Variants in TRPM3 observed in about 807,000 individuals in gnomAD.
TRPM3 encodes transient receptor potential cation channel subfamily M member 3.
A neutral mutation model predicts 181.2 loss-of-function variants in TRPM3; 77 were observed. The ratio of observed to expected loss-of-function variants is 0.42; its 90% CI spans 0.35 to 0.51. The LOEUF is 0.51. Among genes scored for constraint, TRPM3 ranks in the 20% least tolerant of loss-of-function variants. The pLI is 0.01. For synonymous variants in TRPM3, 745 were observed against 796.4 expected, an observed-to-expected ratio of 0.94 and a Z score of 1.09; for missense variants, 1,759 against 2,196.7, an observed-to-expected ratio of 0.80 and a Z score of 3.98.
intron 1 of TRPM3, chr9:70,917,616 G>A: frequency 4.6e-6 from 2 of 438,242 alleles, no homozygotes; most frequent in Non-Finnish European, 8.5e-6. Context: ...CAAGTCTTAT[G>A]GTAGCCTCAA....
chr9:70,867,236 A>G (rs1589393288), intron 1 of TRPM3, among the ~76,000 whole-genome samples: 1 of 152,206 alleles, frequency 6.6e-6, no homozygotes, highest in South Asian at 2.1e-4. Flanking sequence ...AGAAATGGCT[A>G]TACAGCAAAG....
At chr9:70,615,881 G>A (rs568556418) in intron 18 of TRPM3, 27 bp downstream of exon 18, 1 of 1,580,724 alleles carries the variant, frequency 6.3e-7, no homozygotes, top group South Asian at 1.2e-5. Flanking sequence ...TCTGCCCATA[G>A]AGAATAACTG....
chr9:71,220,579 A>G (rs1333692621), intron 1 of TRPM3, among the ~76,000 whole-genome samples: 1 of 151,292 alleles, frequency 6.6e-6, no homozygotes, highest in Non-Finnish European at 1.5e-5. Context: ...TACAACTTAG[A>G]AAAAAAAAGA....
chr9:71,403,158 A>T (rs1199173321), intron 1 of TRPM3, among the ~76,000 whole-genome samples: 1 of 152,184 alleles, frequency 6.6e-6, no homozygotes, highest in Non-Finnish European at 1.5e-5. Context: ...CTGCAGGCCA[A>T]ATCCAGCTGG....
intron 7 of TRPM3, among the ~76,000 whole-genome samples, chr9:70,765,592 AAAAAAC>A (rs1296058152): frequency 6.6e-6 from 1 of 151,506 alleles, no homozygotes; most frequent in East Asian, 1.9e-4. Context: ...ACTCCATCTC[AAAAAAC>A]AAAAACAAAA....
chr9:70,898,747 C>CAAAAAAAAAAAAAA (rs34952516), intron 1 of TRPM3, among the ~76,000 whole-genome samples: 11 of 93,330 alleles, frequency 1.2e-4, no homozygotes, highest in East Asian at 3.3e-4. Flanking sequence ...GACTTCATCT[C>CAAAAAAAAAAAAAA]AAAAAAAAAA....
chr9:70,867,653 G>A (rs2095679261), intron 1 of TRPM3, among the ~76,000 whole-genome samples: 1 of 152,058 alleles, frequency 6.6e-6, no homozygotes, highest in South Asian at 2.1e-4. Flanking sequence ...GATTAAATTG[G>A]ATTTTTTCAT....
intron 1 of TRPM3, among the ~76,000 whole-genome samples, chr9:70,918,550 T>G (rs1014874946): frequency 2.0e-5 from 3 of 152,044 alleles, no homozygotes; most frequent in African/African-American, 7.2e-5. Flanking sequence ...AGAAGGAAAT[T>G]AAAAAATTTC....
intron 1 of TRPM3, among the ~76,000 whole-genome samples, chr9:70,885,410 A>G (rs1346665723): frequency 6.6e-6 from 1 of 152,176 alleles, no homozygotes; most frequent in Non-Finnish European, 1.5e-5. Flanking sequence ...GTTGAAAACC[A>G]TTGTTCCTAA....
intron 6 of TRPM3, among the ~76,000 whole-genome samples, chr9:70,803,317 A>C (rs969770360): frequency 1.3e-5 from 2 of 152,132 alleles, no homozygotes; most frequent in Non-Finnish European, 2.9e-5. Context: ...TTTGGCTTCC[A>C]GACAGTGTTG....
chr9:70,598,044 T>G (rs946926365), intron 21 of TRPM3, among the ~76,000 whole-genome samples: 1 of 152,222 alleles, frequency 6.6e-6, no homozygotes, highest in African/African-American at 2.4e-5. Context: ...GGTTCTGTTG[T>G]ACTTTATACA....
chr9:70,997,384 A>G (rs1185025898), intron 1 of TRPM3, among the ~76,000 whole-genome samples: 1 of 152,058 alleles, frequency 6.6e-6, no homozygotes, highest in Non-Finnish European at 1.5e-5. Flanking sequence ...TTTAGTAGAG[A>G]CAGGGTTTCA....
At chr9:70,788,083 A>G (rs1434921661) in intron 6 of TRPM3, among the ~76,000 whole-genome samples, 1 of 148,220 alleles carries the variant, frequency 6.7e-6, no homozygotes, top group Non-Finnish European at 1.5e-5. Context: ...ACATATGTAT[A>G]CATGTGCCAT....
intron 1 of TRPM3, among the ~76,000 whole-genome samples, chr9:70,906,250 A>G (rs1241042181): frequency 6.6e-6 from 1 of 152,164 alleles, no homozygotes; most frequent in Non-Finnish European, 1.5e-5. Flanking sequence ...GGTAGTAGCC[A>G]GGGATTTTAG....
chr9:70,551,097 C>T (rs897730106), intron 24 of TRPM3, among the ~76,000 whole-genome samples: 42 of 152,138 alleles, frequency 2.8e-4, no homozygotes, highest in African/African-American at 9.4e-4. Context: ...CTATATGTAA[C>T]GCCTTTTTAA....
intron 1 of TRPM3, among the ~76,000 whole-genome samples, chr9:70,963,484 T>C (rs1024879825): frequency 6.6e-6 from 1 of 152,044 alleles, no homozygotes; most frequent in Non-Finnish European, 1.5e-5. Flanking sequence ...GGACTAGAGA[T>C]TGGAGGGGCC....
At chr9:71,323,317 C>T (rs924918203) in intron 1 of TRPM3, among the ~76,000 whole-genome samples, 1 of 152,140 alleles carries the variant, frequency 6.6e-6, no homozygotes, top group Non-Finnish European at 1.5e-5. Context: ...TACCTAGTAA[C>T]CACTATTCTC....
At chr9:71,268,812 G>A (rs10869008) in intron 1 of TRPM3, among the ~76,000 whole-genome samples, 81,247 of 151,814 alleles carry the variant, frequency 0.54, 21,948 homozygotes, top group African/African-American at 0.62. Context: ...ACAGAGCGAG[G>A]CTCCATCTCC....
Position 70,861,346 on chromosome 9 carries a change from A to T in TRPM3, c.462+1562T>A, listed in dbSNP as rs528935972. On this transcript the variant is annotated intron_variant, in intron 3 of 25. Coordinates refer to ENST00000677713, the MANE Select transcript of TRPM3 (RefSeq NM_001366145.2). The stretch of plus-strand genomic sequence containing the variant: ...GTCATCAGAGTCTCCTAAGGTGACA[A>T]CTTTGAGGGATGCTCTCACTTACAA... 5.3e-5 allele frequency among the ~76,000 whole-genome samples: 8 copies of T among 152,306 alleles called. No individual in the cohort carries two copies. In the South Asian group the frequency reaches 8.3e-4, roughly 16 times the overall value.
Sources: allele counts gnomAD v4.1 joint callset (sites outside exome capture counted in the v4.1 genomes callset), GRCh38; gene constraint gnomAD v4.1.1; transcripts MANE v1.5; gene names NCBI Gene and HGNC (gene_info 2026-07-23, HGNC 2026-07-21).